LPXN: variants seen among roughly 807,000 people sequenced by gnomAD.
LPXN encodes the protein leupaxin.
In LPXN, 28 loss-of-function variants were observed where a neutral mutation model predicts 45.6. The ratio of observed to expected loss-of-function variants is 0.61; its 90% CI spans 0.45 to 0.84. The LOEUF (loss-of-function observed/expected upper bound fraction) is 0.84. LPXN is among the 40% of genes least tolerant of loss of function. The probability of loss-of-function intolerance (pLI) is 0.00; values close to 1 mark genes in which losing one functional copy is unlikely to be tolerated. For missense variants in LPXN, 459 were observed against 475.0 expected (o/e 0.97, Z 0.31); for synonymous variants, 166 against 169.9 (o/e 0.98, Z 0.18).
At chr11:58,570,477 A>C (rs1854656138) in intron 2 of LPXN, 79 bp downstream of exon 2, 1 of 1,087,756 alleles carries the variant, frequency 9.2e-7, no homozygotes, top group African/African-American at 1.6e-5. Flanking sequence ...CTTTCATATT[A>C]TTTTATGTGG....
chr11:58,573,057 C>A (rs1854758014), intron 1 of LPXN, among the ~76,000 whole-genome samples: 1 of 151,876 alleles, frequency 6.6e-6, no homozygotes, highest in East Asian at 1.9e-4. Context: ...ACCAGCCTGA[C>A]CAACATGGAG....
rs1167745962 is a variant in LPXN at position 58,554,871 on chromosome 11, G to GAGCT, written c.284_287dup (p.Met97AlafsTer7). ...CCTGCATCTCAGTCAGGTGAGCCAT[G>GAGCT]AGCTCATCCAACTGAGCAGCTGCTG... On this transcript the variant is annotated frameshift_variant, in exon 4 of 9. Transcript: ENST00000395074. LOFTEE classifies it high-confidence loss of function. The GAGCT allele has an allele frequency of 6.2e-7, 1 of 1,613,986 alleles. No individual in the cohort carries two copies. Among genetic ancestry groups the GAGCT allele is most frequent in the Non-Finnish European group, 8.5e-7 (1 of 1,179,976 alleles).
intron 2 of LPXN, among the ~76,000 whole-genome samples, chr11:58,564,486 A>G (rs1854471022): frequency 6.6e-6 from 1 of 152,258 alleles, no homozygotes; most frequent in Admixed American, 6.5e-5. Context: ...GATAAGAACC[A>G]TAAATCAAAT....
intron 1 of LPXN, among the ~76,000 whole-genome samples, chr11:58,574,094 T>C (rs1273067652): frequency 6.6e-6 from 1 of 152,198 alleles, no homozygotes; most frequent in Non-Finnish European, 1.5e-5. Context: ...ACTGGGCTGA[T>C]GACAATTTGA....
chr11:58,551,592 G>T (rs886326719), intron 4 of LPXN, among the ~76,000 whole-genome samples: 2 of 152,130 alleles, frequency 1.3e-5, no homozygotes, highest in Admixed American at 6.5e-5. Context: ...TTGAATACCT[G>T]GTTTGTGCCA....
intron 7 of LPXN, among the ~76,000 whole-genome samples, chr11:58,529,428 G>A (rs970941412): frequency 3.9e-5 from 6 of 152,008 alleles, no homozygotes; most frequent in African/African-American, 1.4e-4. Flanking sequence ...GGCTAACACG[G>A]TGAAACCCCG....
Position 58,527,581 on chromosome 11 carries a change from C to T in LPXN, c.1034G>A (p.Gly345Glu), listed in dbSNP as rs1317917610. 1 of 1,614,098 alleles carries T rather than the reference C, an allele frequency of 6.2e-7. No homozygotes were observed. The change falls in exon 9 of 9, where the codon GGG becomes GAG. Residue 345 changes from glycine to glutamate, a missense_variant. Coordinates refer to ENST00000395074, the MANE Select transcript of LPXN (RefSeq NM_004811.3). ...AAAGTGCTCAGGATGGAACTTGTAC[C>T]CCATGGCACTGATACAACGGCCAGT... ...PITGRCISAMGYKFHPEHFVC... is the reference protein window; with the variant it reads ...PITGRCISAMEYKFHPEHFVC...
In LPXN at chr11:58,570,546, G is replaced by A. The variant is rs772639922; in HGVS notation, c.171+10C>T. ...TCCATGTTTAAGGACTATAATAAAT[G>A]AAAATTTACCGGCAAGGGACTTGTG... On this transcript the variant is annotated intron_variant, in intron 2 of 8. Transcript: ENST00000395074. 4.4e-6 allele frequency: 7 copies of A among 1,602,142 alleles called. No individual in the cohort carries two copies. In the East Asian group the frequency reaches 1.3e-4, roughly 31 times the overall value.
chr11:58,549,776 C>T lies in LPXN; in HGVS notation c.742+10G>A, dbSNP rs1307140253. The T allele has an allele frequency of 6.2e-6, 10 of 1,613,466 alleles. No individual in the cohort carries two copies. The highest frequency in any genetic ancestry group is 1.1e-5 in the South Asian group (1 of 91,026). On this transcript the variant is annotated intron_variant, in intron 7 of 8. Coordinates refer to ENST00000395074, the MANE Select transcript of LPXN (RefSeq NM_004811.3). ...GGGTGTGGGATACAGCCTCTCAAGT[C>T]GGGTCATACCTTCTGCACCAAACAC...
rs779657887 is a variant in LPXN at position 58,575,803 on chromosome 11, A to G, written c.-31T>C. On this transcript the variant is annotated 5_prime_UTR_variant, in exon 1 of 9. Transcript: ENST00000395074. ...TACATCCAAGATGCTCTTGTCTCAC[A>G]GGCCGTGAGGAACAGCTTTGGCATG... The G allele has an allele frequency of 1.9e-6, 3 of 1,614,098 alleles. No individual in the cohort carries two copies. The highest frequency in any genetic ancestry group is 2.5e-6 in the Non-Finnish European group (3 of 1,180,038).
At chr11:58,549,706 C>G (rs1481081799) in intron 7 of LPXN, 80 bp downstream of exon 7, 1 of 1,220,686 alleles carries the variant, frequency 8.2e-7, no homozygotes, top group East Asian at 2.5e-5. Context: ...CCAGGACTCC[C>G]GTGACTACCA....
chr11:58,549,690 T>C (rs1853980934), intron 7 of LPXN, 96 bp downstream of exon 7: 2 of 966,946 alleles, frequency 2.1e-6, no homozygotes, highest in Non-Finnish European at 3.2e-6. Flanking sequence ...ATAGTACTGA[T>C]AGGAACCAGG....
intron 7 of LPXN, among the ~76,000 whole-genome samples, chr11:58,539,482 C>A (rs1853651882): frequency 6.6e-6 from 1 of 152,066 alleles, no homozygotes; most frequent in African/African-American, 2.4e-5. Flanking sequence ...ACAAGTTAGG[C>A]CTGATATATC....
chr11:58,576,152 C>A (rs74663883), upstream of LPXN, among the ~76,000 whole-genome samples: 4,024 of 151,948 alleles, frequency 0.026, 180 homozygotes, highest in African/African-American at 0.092. Flanking sequence ...AGTGTAGGTA[C>A]CCCACTCTGA....
Position 58,527,368 on chromosome 11 carries a change from G to A in LPXN, c.*86C>T. ...TTTTCTATAAGACTATTAAGCAGAAGGTCAGTAACAGAAAATTTACCCTTT... is the reference window on the plus strand; with the variant it reads ...TTTTCTATAAGACTATTAAGCAGAAAGTCAGTAACAGAAAATTTACCCTTT... On this transcript the variant is annotated 3_prime_UTR_variant, in exon 9 of 9. Transcript: ENST00000395074. The A allele has an allele frequency of 7.2e-7, 1 of 1,386,214 alleles. No homozygotes were observed. The highest frequency in any genetic ancestry group is 1.0e-6 in the Non-Finnish European group (1 of 992,374). The allele number at this position is 1,386,214 out of a possible 1,614,324, so 85.9% of individuals were successfully genotyped here. A position where few individuals can be genotyped will look rare whatever the true frequency, so the allele number is the denominator to read the frequency against.
chr11:58,539,924 G>A (rs1276204157), intron 7 of LPXN, among the ~76,000 whole-genome samples: 1 of 152,102 alleles, frequency 6.6e-6, no homozygotes, highest in Non-Finnish European at 1.5e-5. Context: ...TGTCATTAAT[G>A]GGGAACTTTA....
intron 4 of LPXN, chr11:58,554,611 C>T (rs996743291): frequency 2.7e-6 from 1 of 366,624 alleles, no homozygotes; most frequent in Non-Finnish European, 4.9e-6. Flanking sequence ...TCCTTGAGAT[C>T]AAAGTCTGTA....
At position 58,575,856 on chromosome 11, in the gene LPXN, T is replaced by C; in HGVS notation, c.-84A>G. The C allele has an allele frequency of 3.7e-6, 6 of 1,613,852 alleles. No homozygotes were observed. Among genetic ancestry groups the C allele is most frequent in the South Asian group, 1.1e-5 (1 of 91,048 alleles). On this transcript the variant is annotated 5_prime_UTR_variant, in exon 1 of 9. Transcript: ENST00000395074. ...CTGAAGAAGAGGACCGCAAAGGAAC[T>C]GGATGAGACAGCATAAGGCAGCCTC...
At chr11:58,543,638 G>A (rs1853795397) in intron 7 of LPXN, among the ~76,000 whole-genome samples, 1 of 152,132 alleles carries the variant, frequency 6.6e-6, no homozygotes, top group South Asian at 2.1e-4. Flanking sequence ...CAGTAGAGGA[G>A]CTGAGATTGA....
Sources: gnomAD v4.1 joint callset for allele counts (sites outside exome capture counted in the v4.1 genomes callset) on GRCh38, gnomAD v4.1.1 for gene constraint, MANE v1.5 for transcripts, NCBI Gene and HGNC (gene_info 2026-07-23, HGNC 2026-07-21) for gene names.